The following DEPDC1 variants were observed in gnomAD, a reference collection of about 807,000 sequenced individuals.
The protein encoded by DEPDC1 is DEP domain containing 1.
DEPDC1 carries 66 observed loss-of-function variants against 86.8 expected under a neutral mutation model. That is an observed-to-expected ratio of 0.76 (90% CI 0.62 to 0.93). The LOEUF (loss-of-function observed/expected upper bound fraction) is 0.93. Ranked by LOEUF, DEPDC1 falls within the 40% of genes least tolerant of loss-of-function variation. DEPDC1 has a pLI of 0.00. For synonymous variants in DEPDC1, 255 were observed against 314.9 expected (o/e 0.81, Z 2.02); for missense variants, 792 against 935.7 (o/e 0.85, Z 2.00).
intron 2 of DEPDC1, among the ~76,000 whole-genome samples, chr1:68,494,184 C>T (rs3790482): frequency 0.65 from 98,478 of 152,030 alleles, 33,015 homozygotes; most frequent in Middle Eastern, 0.82. Flanking sequence ...AGTGATAATA[C>T]ATCAGTATTT....
chr1:68,481,372 T>C, intron 9 of DEPDC1, 68 bp downstream of exon 9: 2 of 1,404,662 alleles, frequency 1.4e-6, no homozygotes, highest in Non-Finnish European at 2.0e-6. Flanking sequence ...GTAGTACTTT[T>C]ACGTAGTTTG....
intron 7 of DEPDC1, chr1:68,483,247 A>C: frequency 1.9e-6 from 1 of 525,920 alleles, no homozygotes. Context: ...AATAAAATAC[A>C]TATATTTGAT....
At chr1:68,483,159 G>C (rs2100253412) in intron 7 of DEPDC1, 3 of 538,476 alleles carry the variant, frequency 5.6e-6, no homozygotes, top group Non-Finnish European at 1.0e-5. Flanking sequence ...TAAATGGATT[G>C]AGCCAGAATA....
At chr1:68,481,316 T>C (rs1325853648) in intron 9 of DEPDC1, 124 bp downstream of exon 9, 7 of 872,138 alleles carry the variant, frequency 8.0e-6, no homozygotes, top group Non-Finnish European at 1.2e-5. Context: ...TTAAAGAGCC[T>C]TTCCAACCTA....
At chr1:68,487,136 G>T in intron 5 of DEPDC1, 152 bp from the exon 6 acceptor site, 2 of 585,278 alleles carry the variant, frequency 3.4e-6, no homozygotes, top group Non-Finnish European at 2.7e-6. Context: ...GGATTAAAAA[G>T]TATTATATGT....
chr1:68,479,103 AACTG>A, intron 10 of DEPDC1, 37 bp downstream of exon 10: 1 of 1,537,030 alleles, frequency 6.5e-7, no homozygotes, highest in Non-Finnish European at 8.8e-7. Flanking sequence ...TGCCACTTGC[AACTG>A]ACTATTGCAG....
At chr1:68,481,175 G>T (rs1280055743) in intron 9 of DEPDC1, among the ~76,000 whole-genome samples, 1 of 151,956 alleles carries the variant, frequency 6.6e-6, no homozygotes, top group African/African-American at 2.4e-5. Context: ...GGTCTGACTG[G>T]TCAATCACTA....
At chr1:68,481,396 G>A (rs1259066599) in intron 9 of DEPDC1, 44 bp downstream of exon 9, 1 of 1,540,276 alleles carries the variant, frequency 6.5e-7, no homozygotes, top group East Asian at 2.3e-5. Flanking sequence ...TTGTTATTTT[G>A]GTTTATGAAT....
chr1:68,479,439 G>T, intron 9 of DEPDC1, 119 bp from the exon 10 acceptor site: 1 of 661,944 alleles, frequency 1.5e-6, no homozygotes, highest in Non-Finnish European at 2.5e-6. Flanking sequence ...GCAGCCCTCA[G>T]TTTAAAAATG....
At chr1:68,487,076 G>A in intron 5 of DEPDC1, 92 bp from the exon 6 acceptor site, 4 of 1,088,984 alleles carry the variant, frequency 3.7e-6, no homozygotes, top group Non-Finnish European at 5.1e-6. Context: ...TTATATATAT[G>A]TATATACACA....
intron 1 of DEPDC1, among the ~76,000 whole-genome samples, chr1:68,495,585 A>C (rs1343892682): frequency 6.6e-6 from 1 of 152,214 alleles, no homozygotes; most frequent in Non-Finnish European, 1.5e-5. Flanking sequence ...GCCTGAGGAC[A>C]CAGTAATAAA....
At chr1:68,489,130 C>A (rs1302279477) in intron 3 of DEPDC1, 96 bp from the exon 4 acceptor site, 4 of 775,876 alleles carry the variant, frequency 5.2e-6, no homozygotes, top group South Asian at 1.7e-5. Context: ...CATTGTGGAG[C>A]TATAAAGTAT....
chr1:68,497,005 T>G lies in DEPDC1; in HGVS notation c.-6A>C. 2 of 1,611,688 alleles carry G rather than the reference T, an allele frequency of 1.2e-6. No individual in the cohort carries two copies. The highest frequency in any genetic ancestry group is 1.7e-6 in the Non-Finnish European group (2 of 1,178,440). ...GGCACACCCTGACTCTCCATAGGTCTGTCAGCGCCCGGTGGCGTCCATGGC... is the reference window on the plus strand; with the variant it reads ...GGCACACCCTGACTCTCCATAGGTCGGTCAGCGCCCGGTGGCGTCCATGGC... On this transcript the variant is annotated 5_prime_UTR_variant, in exon 1 of 12. Coordinates refer to ENST00000456315, the MANE Select transcript of DEPDC1 (RefSeq NM_001114120.3).
intron 6 of DEPDC1, among the ~76,000 whole-genome samples, chr1:68,484,680 G>T (rs915252155): frequency 2.6e-5 from 4 of 151,922 alleles, no homozygotes; most frequent in African/African-American, 9.7e-5. Flanking sequence ...AGCAAAGTTT[G>T]AATTAGAAGT....
chr1:68,491,282 A>C (rs995823907), intron 2 of DEPDC1, among the ~76,000 whole-genome samples: 15 of 152,184 alleles, frequency 9.9e-5, no homozygotes, highest in Non-Finnish European at 2.1e-4. Context: ...CAAACTATGA[A>C]TCTGACAAAG....
Position 68,476,733 on chromosome 1 carries a change from A to G in DEPDC1, c.*199T>C. The G allele has an allele frequency of 2.2e-6, 1 of 464,462 alleles. No individual in the cohort carries two copies. Among genetic ancestry groups the G allele is most frequent in the East Asian group, 3.4e-5 (1 of 29,196 alleles). 28.8% of individuals were successfully genotyped at this position (464,462 alleles called of 1,614,324 possible). A position where few individuals can be genotyped will look rare whatever the true frequency, so the allele number is the denominator to read the frequency against. ...AAACAAAAAGTATTTGGTATCATCT[A>G]TTGTTATGTGCTCTCAATTGAGATC... On this transcript the variant is annotated 3_prime_UTR_variant, in exon 12 of 12. Coordinates refer to ENST00000456315, the MANE Select transcript of DEPDC1 (RefSeq NM_001114120.3).
At chr1:68,481,411 C>T in intron 9 of DEPDC1, 29 bp downstream of exon 9, 1 of 1,587,512 alleles carries the variant, frequency 6.3e-7, no homozygotes, top group Non-Finnish European at 8.6e-7. Context: ...ATGAATCAGA[C>T]TTATTCTTTC....
intron 2 of DEPDC1, among the ~76,000 whole-genome samples, chr1:68,492,602 G>A (rs1460693853): frequency 1.3e-5 from 2 of 152,154 alleles, no homozygotes; most frequent in Admixed American, 6.5e-5. Flanking sequence ...CACTACTTTG[G>A]AGGCTGAGGT....
chr1:68,491,361 A>C lies in DEPDC1; in HGVS notation c.315-1753T>G, dbSNP rs114505503. Among the ~76,000 whole-genome samples, 1,149 of 152,328 alleles carry C rather than the reference A, an allele frequency of 7.5e-3. 12 individuals carry two copies. The highest frequency in any genetic ancestry group is 0.027 in the African/African-American group (1,106 of 41,572). On this transcript the variant is annotated intron_variant, in intron 2 of 11. Coordinates refer to ENST00000456315, the MANE Select transcript of DEPDC1 (RefSeq NM_001114120.3). ...CTCCATTAAAAAGGGGGCAAAGGAC[A>C]TGAACTGACACTTTTCAAAAGAAGA...
Sources: gnomAD v4.1 joint callset for allele counts (sites outside exome capture counted in the v4.1 genomes callset) on GRCh38, gnomAD v4.1.1 for gene constraint, MANE v1.5 for transcripts, NCBI Gene and HGNC (gene_info 2026-07-23, HGNC 2026-07-21) for gene names.